Variants in NTN4 observed in about 807,000 individuals in gnomAD.
The protein encoded by NTN4 is netrin-4.
Under a neutral mutation model 73.6 loss-of-function variants are expected in NTN4, and 32 were observed. The observed-to-expected ratio is 0.44, with a 90% CI of 0.33 to 0.58. The LOEUF is 0.58. Among genes scored for constraint, NTN4 ranks in the 20% least tolerant of loss-of-function variants. NTN4 has a pLI of 0.04. For synonymous variants in NTN4, 258 were observed against 287.5 expected, an observed-to-expected ratio of 0.90 and a Z score of 1.04; for missense variants, 654 against 798.3, an observed-to-expected ratio of 0.82 and a Z score of 2.18.
chr12:95,675,519 A>G (rs2078266652), intron 7 of NTN4, among the ~76,000 whole-genome samples: 1 of 152,224 alleles, frequency 6.6e-6, no homozygotes, highest in South Asian at 2.1e-4. Flanking sequence ...AATCAACACA[A>G]CTTTGTGAAT....
chr12:95,722,606 G>C (rs1411661114), intron 3 of NTN4, among the ~76,000 whole-genome samples: 1 of 151,444 alleles, frequency 6.6e-6, no homozygotes, highest in Non-Finnish European at 1.5e-5. Flanking sequence ...GCCTGGGCCA[G>C]AGCCAGACCT....
intron 8 of NTN4, 53 bp downstream of exon 8, chr12:95,670,025 T>G: frequency 9.1e-7 from 1 of 1,096,536 alleles, no homozygotes; most frequent in Non-Finnish European, 1.3e-6. Flanking sequence ...TTAAAAATTC[T>G]CTGAACTTAG....
upstream of NTN4, chr12:95,791,074 C>A (rs2079207612): frequency 6.5e-6 from 1 of 153,086 alleles, no homozygotes; most frequent in Admixed American, 6.5e-5. This position sits in a 1 kb window ranked among gnomAD's most constrained non-coding sequence, Gnocchi z 4.0. Flanking sequence ...TGGTGCCCTG[C>A]AGCACCCACA....
At position 95,737,792 on chromosome 12, in the gene NTN4, A is replaced by T. The variant is rs929157729; in HGVS notation, c.864+74T>A. The T allele has an allele frequency of 1.0e-5, 15 of 1,457,774 alleles. No individual in the cohort carries two copies. The African/African-American group carries it at 2.1e-4, about 20-fold the overall frequency. 90.3% of individuals were successfully genotyped at this position (1,457,774 alleles called of 1,614,324 possible). On this transcript the variant is annotated intron_variant, in intron 3 of 9. Coordinates refer to ENST00000343702, the MANE Select transcript of NTN4 (RefSeq NM_021229.4). The stretch of plus-strand genomic sequence containing the variant: ...AAAAATCAGCAGCACTATGTTAAGC[A>T]TATACCAACCAATGCCCAAAGCTGA...
At chr12:95,769,725 T>G (rs1220737804) in intron 2 of NTN4, among the ~76,000 whole-genome samples, 1 of 148,288 alleles carries the variant, frequency 6.7e-6, no homozygotes, top group Non-Finnish European at 1.5e-5. Context: ...TTGTTACAGG[T>G]GCATACTCCT....
At chr12:95,666,696 T>G (rs189306978) in intron 8 of NTN4, among the ~76,000 whole-genome samples, 1 of 152,326 alleles carries the variant, frequency 6.6e-6, no homozygotes, top group Admixed American at 6.5e-5. Flanking sequence ...TATTCTTTTG[T>G]GGCTGATTGT....
At chr12:95,731,289 C>G (rs1234543236) in intron 3 of NTN4, among the ~76,000 whole-genome samples, 3 of 152,208 alleles carry the variant, frequency 2.0e-5, no homozygotes. Context: ...ACAGCTAGGC[C>G]AGGCATGGTG....
At chr12:95,776,326 G>A (rs2079092106) in intron 2 of NTN4, among the ~76,000 whole-genome samples, 1 of 152,204 alleles carries the variant, frequency 6.6e-6, no homozygotes, top group Non-Finnish European at 1.5e-5. Context: ...ACTTTGATGA[G>A]TTGAGAGAAG....
chr12:95,737,316 G>T (rs977678795), intron 3 of NTN4, among the ~76,000 whole-genome samples: 7 of 152,116 alleles, frequency 4.6e-5, no homozygotes, highest in Non-Finnish European at 1.5e-5. Context: ...TGGTCTCCTG[G>T]GGGATGCAGA....
rs2121297162 is a variant in NTN4, at chr12:95,781,676, A to G, written c.585+5263T>C. 6.6e-6 allele frequency among the ~76,000 whole-genome samples: 1 copy of G among 152,318 alleles called. No homozygotes were observed. The highest frequency in any genetic ancestry group is 2.4e-5 in the African/African-American group (1 of 41,576). ...CTTACCATGTCATTTCTATTTCTCC[A>G]TTTGTTTATGTTCCCCATTTCTTTT... On this transcript the variant is annotated intron_variant, in intron 2 of 9. Transcript: ENST00000343702. This position sits in a 1 kb window ranked among gnomAD's most constrained non-coding sequence, Gnocchi z 4.1.
At position 95,692,443 on chromosome 12, in the gene NTN4, C is replaced by A. The variant is rs192021587; in HGVS notation, c.1181-8732G>T. Among the ~76,000 whole-genome samples the A allele has an allele frequency of 2.0e-3, 304 of 152,304 alleles. 2 individuals carry two copies. Among genetic ancestry groups the A allele is most frequent in the Middle Eastern group, 0.014 (4 of 294 alleles). On this transcript the variant is annotated intron_variant, in intron 5 of 9. Coordinates refer to ENST00000343702, the MANE Select transcript of NTN4 (RefSeq NM_021229.4). ...AATGAGTACTTTACAAAAGATTTCA[C>A]AACAGATTCCCTTCAAGTAATGAAT...
chr12:95,780,135 A>G (rs1472039842), intron 2 of NTN4, among the ~76,000 whole-genome samples: 1 of 152,068 alleles, frequency 6.6e-6, no homozygotes, highest in Admixed American at 6.5e-5. Flanking sequence ...CTTACACCTT[A>G]TACAAACATT....
At chr12:95,734,738 G>A (rs1447244453) in intron 3 of NTN4, among the ~76,000 whole-genome samples, 1 of 152,082 alleles carries the variant, frequency 6.6e-6, no homozygotes, top group Non-Finnish European at 1.5e-5. Context: ...GCAATCATAG[G>A]AATTAAAACA....
intron 5 of NTN4, among the ~76,000 whole-genome samples, chr12:95,700,513 C>T (rs907609982): frequency 3.9e-5 from 6 of 152,062 alleles, no homozygotes; most frequent in African/African-American, 1.4e-4. Flanking sequence ...GTTTGGGAAC[C>T]AATGACTTGA....
chr12:95,767,021 CT>C (rs1158187093), intron 2 of NTN4, among the ~76,000 whole-genome samples: 1 of 152,162 alleles, frequency 6.6e-6, no homozygotes, highest in African/African-American at 2.4e-5. Context: ...CCTGAGTTTT[CT>C]TTCTTAAACA....
At position 95,786,915 on chromosome 12, in the gene NTN4, GTAGAGT is replaced by G. The variant is rs1287873301; in HGVS notation, c.585+18_585+23del. The stretch of plus-strand genomic sequence containing the variant: ...AACATTTTTCTATCTTACTTACAGT[GTAGAGT>G]TAAACAGGTGCCCTTACCTCTCCTC... On this transcript the variant is annotated intron_variant, in intron 2 of 9. Transcript: ENST00000343702. The G allele has an allele frequency of 1.9e-6, 3 of 1,601,378 alleles. No homozygotes were observed. The highest frequency in any genetic ancestry group is 2.6e-6 in the Non-Finnish European group (3 of 1,170,198).
Position 95,790,013 on chromosome 12 carries a change from C to T in NTN4, c.55+242G>A, listed in dbSNP as rs1033392425. 3.8e-5 allele frequency: 16 copies of T among 421,416 alleles called. No individual in the cohort carries two copies. Among genetic ancestry groups the T allele is most frequent in the South Asian group, 7.2e-5 (1 of 13,986 alleles). 26.1% of individuals were successfully genotyped at this position (421,416 alleles called of 1,614,324 possible). A position where few individuals can be genotyped will look rare whatever the true frequency, so the allele number is the denominator to read the frequency against. ...AAAGAAACCCCGGTCGCAGTATCCC[C>T]GGCAGGGCGCACCCAGGATAGCTGG... On this transcript the variant is annotated intron_variant, in intron 1 of 9. Coordinates refer to ENST00000343702, the MANE Select transcript of NTN4 (RefSeq NM_021229.4). This position sits in a 1 kb window ranked among gnomAD's most constrained non-coding sequence, Gnocchi z 6.5.
At chr12:95,733,005 C>T (rs1472169725) in intron 3 of NTN4, among the ~76,000 whole-genome samples, 1 of 152,184 alleles carries the variant, frequency 6.6e-6, no homozygotes, top group Non-Finnish European at 1.5e-5. Context: ...GACTTAGACG[C>T]ATCAGTCAAA....
At chr12:95,686,056 G>T (rs6538661) in intron 5 of NTN4, among the ~76,000 whole-genome samples, 54,285 of 151,604 alleles carry the variant, frequency 0.36, 10,151 homozygotes, top group East Asian at 0.49. Context: ...TGGCTAATTT[G>T]TAATTTGTTA....
Sources: allele counts gnomAD v4.1 joint callset (sites outside exome capture counted in the v4.1 genomes callset), GRCh38; gene constraint gnomAD v4.1.1; non-coding constraint Gnocchi (gnomAD v3.1); transcripts MANE v1.5; gene names NCBI Gene and HGNC (gene_info 2026-07-23, HGNC 2026-07-21).